Variants in TTC23 observed in about 807,000 individuals in gnomAD.
TTC23 encodes tetratricopeptide repeat protein 23.
In TTC23, 58 loss-of-function variants were observed where a neutral mutation model predicts 55.1. The observed-to-expected ratio is 1.05, with a 90% CI of 0.85 to 1.31. TTC23 has a LOEUF of 1.31. Among genes scored for constraint, TTC23 ranks in the 50% most tolerant of loss-of-function variants. TTC23 has a pLI of 0.00. For synonymous variants in TTC23, 203 were observed against 199.9 expected (o/e 1.02, Z -0.13); for missense variants, 516 against 534.4 (o/e 0.97, Z 0.34).
intron 12 of TTC23, among the ~76,000 whole-genome samples, chr15:99,145,638 C>T (rs1596224044): frequency 6.6e-6 from 1 of 151,998 alleles, no homozygotes; most frequent in Non-Finnish European, 1.5e-5. Flanking sequence ...TTTGAGAGAC[C>T]ACACCCCTGC....
intron 5 of TTC23, among the ~76,000 whole-genome samples, chr15:99,224,965 G>T (rs552965105): frequency 6.6e-6 from 1 of 152,184 alleles, no homozygotes; most frequent in Non-Finnish European, 1.5e-5. Context: ...TTTAGGGAAT[G>T]ACTACTTTGG....
At chr15:99,197,104 CTT>C (rs71456913) in intron 9 of TTC23, among the ~76,000 whole-genome samples, 45 of 142,200 alleles carry the variant, frequency 3.2e-4, no homozygotes, top group Admixed American at 3.5e-4. Flanking sequence ...GGTTTCTGTT[CTT>C]TTTTTTTTTT....
At chr15:99,234,936 G>C (rs1438166391) in intron 4 of TTC23, 52 bp downstream of exon 4, 2 of 149,230 alleles carry the variant, frequency 1.3e-5, no homozygotes, top group African/African-American at 4.9e-5. Flanking sequence ...AGTTTGGCAG[G>C]GTTTAAAAAA....
intron 8 of TTC23, among the ~76,000 whole-genome samples, chr15:99,212,718 C>T (rs2077140443): frequency 6.6e-6 from 1 of 152,074 alleles, no homozygotes; most frequent in Non-Finnish European, 1.5e-5. Context: ...GGACATAGGA[C>T]TGAGTGCAGT....
intron 9 of TTC23, among the ~76,000 whole-genome samples, chr15:99,194,552 CAA>C (rs760038465): frequency 4.9e-5 from 2 of 40,476 alleles, no homozygotes; most frequent in Admixed American, 2.6e-4. Context: ...ACATCACGTG[CAA>C]AAAAAAAAAA....
At chr15:99,164,841 A>G (rs2071841890) in intron 10 of TTC23, among the ~76,000 whole-genome samples, 1 of 152,204 alleles carries the variant, frequency 6.6e-6, no homozygotes, top group Non-Finnish European at 1.5e-5. Context: ...AAATCCAATC[A>G]GCCCCTGTAA....
rs777082071 is a variant in TTC23 at position 99,161,880 on chromosome 15, A to G, written c.866-13T>C. 4.4e-6 allele frequency: 7 copies of G among 1,588,840 alleles called. No individual in the cohort carries two copies. Among genetic ancestry groups the G allele is most frequent in the Non-Finnish European group, 6.0e-6 (7 of 1,172,462 alleles). On this transcript the variant is annotated splice_polypyrimidine_tract_variant and intron_variant, in intron 10 of 13. Coordinates refer to ENST00000394132, the MANE Select transcript of TTC23 (RefSeq NM_001288615.3). ...TGCTCAGCTACATCTGAAGAAAAGC[A>G]TTTATCATAACTTTGAAAACTGCTC...
At chr15:99,146,642 A>G (rs986929878) in intron 12 of TTC23, among the ~76,000 whole-genome samples, 3 of 152,186 alleles carry the variant, frequency 2.0e-5, no homozygotes, top group Non-Finnish European at 2.9e-5. Flanking sequence ...GGCACTGTAC[A>G]CTCACTAAGC....
At chr15:99,212,192 C>T (rs974474616) in intron 8 of TTC23, among the ~76,000 whole-genome samples, 1 of 152,006 alleles carries the variant, frequency 6.6e-6, no homozygotes, top group African/African-American at 2.4e-5. Context: ...GGGGGAAAAT[C>T]ACATGTTCTG....
rs114976767 is a variant in TTC23 at position 99,211,660 on chromosome 15, C to T, written c.581+6928G>A. Among the ~76,000 whole-genome samples, 1,155 of 152,204 alleles carry T rather than the reference C, an allele frequency of 7.6e-3. 13 individuals are homozygous for T. Among genetic ancestry groups the T allele is most frequent in the African/African-American group, 0.027 (1,122 of 41,516 alleles). On this transcript the variant is annotated intron_variant, in intron 8 of 13. Coordinates refer to ENST00000394132, the MANE Select transcript of TTC23 (RefSeq NM_001288615.3). ...CCTTTTCTTTCTTGCTTTCTTGCTT[C>T]TGAGGGTCTCCCATGCACCTAGATG...
intron 8 of TTC23, among the ~76,000 whole-genome samples, chr15:99,203,321 T>A (rs191506546): frequency 1.8e-4 from 27 of 152,224 alleles, no homozygotes; most frequent in Admixed American, 5.2e-4. Flanking sequence ...ACAAATTTTT[T>A]TAAAAAAATT....
chr15:99,228,863 C>T (rs1596928386), intron 4 of TTC23, 131 bp from the exon 5 acceptor site: 2 of 703,966 alleles, frequency 2.8e-6, no homozygotes, highest in East Asian at 5.6e-5. Context: ...ATTATGGTGG[C>T]TACTACTGAC....
At chr15:99,180,772 C>A (rs763154148) in intron 9 of TTC23, among the ~76,000 whole-genome samples, 2 of 152,200 alleles carry the variant, frequency 1.3e-5, no homozygotes, top group Non-Finnish European at 2.9e-5. Context: ...AGCAAAATCT[C>A]TCCTACAGCA....
rs781917693 is a variant in TTC23 at position 99,139,288 on chromosome 15, T to TA, written c.1226+28dup. The TA allele has an allele frequency of 8.4e-5, 79 of 941,954 alleles. 1 individual carries two copies. In the South Asian group the frequency reaches 1.4e-3, roughly 16 times the overall value. The allele number at this position is 941,954 out of a possible 1,614,324, so 58.3% of individuals were successfully genotyped here. ...GATTCTGAATGGAAAGGGAATGAGA[T>TA]AGAGAAAGTGTGAGGGACGCCAACT... is the stretch of plus-strand genomic sequence containing the variant. On this transcript the variant is annotated intron_variant, in intron 13 of 13. Transcript: ENST00000394132.
intron 10 of TTC23, among the ~76,000 whole-genome samples, chr15:99,170,236 A>C (rs989370338): frequency 3.3e-5 from 5 of 152,156 alleles, no homozygotes; most frequent in Non-Finnish European, 7.4e-5. Context: ...AATACAGGGA[A>C]GGCACAGAGC....
At chr15:99,211,649 C>T (rs2077049009) in intron 8 of TTC23, among the ~76,000 whole-genome samples, 1 of 152,092 alleles carries the variant, frequency 6.6e-6, no homozygotes, top group East Asian at 1.9e-4. Flanking sequence ...TTCTTTCTTG[C>T]TTTCTTGCTT....
chr15:99,216,775 G>A (rs1219138907), intron 8 of TTC23, among the ~76,000 whole-genome samples: 3 of 152,208 alleles, frequency 2.0e-5, no homozygotes, highest in Non-Finnish European at 4.4e-5. Context: ...GAATGCAAAT[G>A]CAGATGGGTG....
intron 10 of TTC23, among the ~76,000 whole-genome samples, chr15:99,169,688 TG>T (rs1313931693): frequency 1.3e-5 from 2 of 152,114 alleles, no homozygotes; most frequent in Admixed American, 6.5e-5. Context: ...AGAGGAGACC[TG>T]GGTGAGATGC....
At chr15:99,201,183 T>C (rs1010297133) in intron 8 of TTC23, among the ~76,000 whole-genome samples, 1 of 151,958 alleles carries the variant, frequency 6.6e-6, no homozygotes, top group Non-Finnish European at 1.5e-5. Context: ...AAATGCTAAT[T>C]TAGAAATTAT....
Sources: allele counts gnomAD v4.1 joint callset (sites outside exome capture counted in the v4.1 genomes callset), GRCh38; gene constraint gnomAD v4.1.1; transcripts MANE v1.5; gene names NCBI Gene and HGNC (gene_info 2026-07-23, HGNC 2026-07-21).